Variants in CSMD1 observed in about 807,000 individuals in gnomAD.
CSMD1 encodes the protein CUB and sushi domain-containing protein 1.
A neutral mutation model predicts 417.5 loss-of-function variants in CSMD1; 213 were observed. The observed-to-expected ratio is 0.51, with a 90% CI of 0.46 to 0.57. CSMD1 has a LOEUF of 0.57. Among genes scored for constraint, CSMD1 ranks in the 20% least tolerant of loss-of-function variants. CSMD1 has a pLI of 0.00. For missense variants in CSMD1, 6,923 were observed against 4,529.7 expected (o/e 1.53, Z -15.17); for synonymous variants, 2,862 against 1,736.8 (o/e 1.65, Z -16.11).
intron 5 of CSMD1, among the ~76,000 whole-genome samples, chr8:3,987,211 C>T (rs1172251101): frequency 2.6e-5 from 4 of 152,204 alleles, no homozygotes; most frequent in African/African-American, 9.7e-5. Context: ...GTGCCCACAA[C>T]AGCAGCACGC....
chr8:3,091,819 A>G (rs1305132596), intron 47 of CSMD1, among the ~76,000 whole-genome samples, 157 bp from the exon 48 acceptor site: 2 of 152,224 alleles, frequency 1.3e-5, no homozygotes, highest in African/African-American at 4.8e-5. Context: ...CTATAGTGAC[A>G]GATATATTTT....
At chr8:4,830,747 T>C (rs919807698) in intron 1 of CSMD1, among the ~76,000 whole-genome samples, 4 of 152,214 alleles carry the variant, frequency 2.6e-5, no homozygotes, top group African/African-American at 9.6e-5. Context: ...TTGGAACCAT[T>C]GGACTTTAAG....
At chr8:3,373,080 C>A (rs1426605404) in intron 18 of CSMD1, among the ~76,000 whole-genome samples, 1 of 152,186 alleles carries the variant, frequency 6.6e-6, no homozygotes, top group Non-Finnish European at 1.5e-5. Flanking sequence ...TATCTTATAT[C>A]CAAAGCTACT....
chr8:4,630,072 C>G (rs979456510), intron 2 of CSMD1, among the ~76,000 whole-genome samples: 6 of 152,118 alleles, frequency 3.9e-5, no homozygotes, highest in African/African-American at 1.4e-4. Context: ...AGTGAACCAT[C>G]CGTTTTTAGC....
chr8:3,941,432 A>G (rs1423265670), intron 5 of CSMD1, among the ~76,000 whole-genome samples: 3 of 152,148 alleles, frequency 2.0e-5, no homozygotes, highest in Non-Finnish European at 2.9e-5. Flanking sequence ...CCATCAGTCT[A>G]TAAAATTTGA....
chr8:4,926,810 GT>G (rs1474117080), intron 1 of CSMD1, among the ~76,000 whole-genome samples: 1 of 151,942 alleles, frequency 6.6e-6, no homozygotes, highest in African/African-American at 2.4e-5. Context: ...GCTATTTTGT[GT>G]TTGAATATCT....
At chr8:4,715,484 A>G (rs1469042350) in intron 1 of CSMD1, among the ~76,000 whole-genome samples, 2 of 152,176 alleles carry the variant, frequency 1.3e-5, no homozygotes, top group African/African-American at 2.4e-5. Context: ...TACCACATAT[A>G]AATTGATAAT....
chr8:4,265,084 A>G (rs1473338371), intron 3 of CSMD1, among the ~76,000 whole-genome samples: 1 of 152,192 alleles, frequency 6.6e-6, no homozygotes, highest in Non-Finnish European at 1.5e-5. Flanking sequence ...ATATAGAATC[A>G]TCATATTCAG....
intron 3 of CSMD1, among the ~76,000 whole-genome samples, chr8:4,193,859 A>G (rs1296596155): frequency 6.6e-6 from 1 of 152,040 alleles, no homozygotes; most frequent in Non-Finnish European, 1.5e-5. Flanking sequence ...TTCATTCTTC[A>G]GCACCGAGAA....
intron 8 of CSMD1, among the ~76,000 whole-genome samples, chr8:3,601,769 C>A (rs545476429): frequency 6.6e-6 from 1 of 152,194 alleles, no homozygotes; most frequent in Non-Finnish European, 1.5e-5. Context: ...GGACCATTCT[C>A]CCTGCTCCCT....
chr8:3,398,043 T>A (rs1045952250), intron 16 of CSMD1, among the ~76,000 whole-genome samples: 1 of 152,126 alleles, frequency 6.6e-6, no homozygotes, highest in African/African-American at 2.4e-5. Context: ...TAGCAAAACA[T>A]CACACTGAAA....
At chr8:3,482,537 C>G (rs1322504131) in intron 11 of CSMD1, among the ~76,000 whole-genome samples, 1 of 152,132 alleles carries the variant, frequency 6.6e-6, no homozygotes, top group Non-Finnish European at 1.5e-5. Context: ...ACTGATAAAG[C>G]TAAGAGAAAA....
intron 3 of CSMD1, among the ~76,000 whole-genome samples, chr8:4,284,252 T>C (rs921754455): frequency 2.0e-5 from 3 of 152,008 alleles, no homozygotes; most frequent in Non-Finnish European, 2.9e-5. Flanking sequence ...CCTGTAATGT[T>C]AGCTGCTCGC....
chr8:3,696,456 C>T (rs1437651227), intron 7 of CSMD1, among the ~76,000 whole-genome samples: 1 of 152,224 alleles, frequency 6.6e-6, no homozygotes, highest in Non-Finnish European at 1.5e-5. Context: ...CACATCTCTT[C>T]TCTGTGAATA....
intron 3 of CSMD1, among the ~76,000 whole-genome samples, chr8:4,144,013 A>G (rs552445930): frequency 2.0e-5 from 3 of 151,302 alleles, no homozygotes; most frequent in South Asian, 2.1e-4. Context: ...TGGAAGGAGG[A>G]GGGCTATAGA....
At chr8:4,975,983 G>A (rs1276635176) in intron 1 of CSMD1, among the ~76,000 whole-genome samples, 2 of 152,126 alleles carry the variant, frequency 1.3e-5, no homozygotes, top group Non-Finnish European at 2.9e-5. Context: ...AGAAATAGGT[G>A]TACAACAGAC....
intron 36 of CSMD1, among the ~76,000 whole-genome samples, chr8:3,182,697 G>GTGTGTA (rs1376678330): frequency 2.0e-4 from 26 of 129,124 alleles, no homozygotes; most frequent in African/African-American, 7.2e-4. Context: ...GTGTGTGTAT[G>GTGTGTA]TGTGTGTATT....
At chr8:3,485,745 G>C (rs10096843) in intron 11 of CSMD1, among the ~76,000 whole-genome samples, 16,092 of 146,362 alleles carry the variant, frequency 0.11, 952 homozygotes, top group Middle Eastern at 0.17. Flanking sequence ...GGGTGACAGA[G>C]CGAGACTCAG....
At chr8:3,252,898 C>T (rs138015153) in intron 26 of CSMD1, among the ~76,000 whole-genome samples, 10,512 of 152,060 alleles carry the variant, frequency 0.069, 385 homozygotes, top group African/African-American at 0.1. Flanking sequence ...TCTGTGGGAT[C>T]GGTGGTGATA....
Sources: gnomAD v4.1 joint callset for allele counts (sites outside exome capture counted in the v4.1 genomes callset) on GRCh38, gnomAD v4.1.1 for gene constraint, MANE v1.5 for transcripts, NCBI Gene and HGNC (gene_info 2026-07-23, HGNC 2026-07-21) for gene names.